Variants in DMXL1 observed in about 807,000 individuals in gnomAD.
DMXL1 encodes the protein Dmx like 1, also known as dmX-like protein 1.
A neutral mutation model predicts 319.2 loss-of-function variants in DMXL1; 99 were observed. That is an observed-to-expected ratio of 0.31 (90% CI 0.26 to 0.37). The LOEUF is 0.37. Ranked by LOEUF, DMXL1 falls within the 10% of genes least tolerant of loss-of-function variation. The pLI is 1.00. For missense variants in DMXL1, 3,745 were observed against 3,595.6 expected, an observed-to-expected ratio of 1.04 and a Z score of -1.06; for synonymous variants, 1,385 against 1,235.2, an observed-to-expected ratio of 1.12 and a Z score of -2.54.
intron 1 of DMXL1, among the ~76,000 whole-genome samples, chr5:119,089,298 T>TATGCA (rs1561549878): frequency 7.6e-5 from 4 of 52,574 alleles, no homozygotes; most frequent in East Asian, 2.3e-3. Flanking sequence ...ATATATTTTT[T>TATGCA]TTTTTTTTTT....
At chr5:119,234,055 C>T (rs1022737825) in intron 39 of DMXL1, among the ~76,000 whole-genome samples, 1 of 152,126 alleles carries the variant, frequency 6.6e-6, no homozygotes, top group East Asian at 1.9e-4. Context: ...AGGACAAAGA[C>T]CTTATAGCTG....
chr5:119,108,095 GC>G (rs1224826812), intron 4 of DMXL1, among the ~76,000 whole-genome samples: 2 of 152,144 alleles, frequency 1.3e-5, no homozygotes, highest in Non-Finnish European at 2.9e-5. Context: ...AAGCATGCTG[GC>G]CCATACCTGT....
intron 1 of DMXL1, among the ~76,000 whole-genome samples, chr5:119,084,563 A>T (rs764723789): frequency 1.4e-4 from 21 of 152,112 alleles, no homozygotes; most frequent in Non-Finnish European, 2.5e-4. Flanking sequence ...TCTTCACAGA[A>T]ATGGAAAAAA....
At chr5:119,152,441 T>C (rs1770021092) in intron 19 of DMXL1, among the ~76,000 whole-genome samples, 1 of 152,156 alleles carries the variant, frequency 6.6e-6, no homozygotes, top group East Asian at 1.9e-4. Context: ...ATTTTAAATA[T>C]TTCACAGAGT....
chr5:119,177,230 T>C, intron 26 of DMXL1, 127 bp from the exon 27 acceptor site: 1 of 549,254 alleles, frequency 1.8e-6, no homozygotes, highest in Non-Finnish European at 3.1e-6. Context: ...AGACTGTACA[T>C]TATATTACTT....
At chr5:119,164,763 C>A (rs1219132894) in intron 20 of DMXL1, 87 bp downstream of exon 20, 2 of 1,223,826 alleles carry the variant, frequency 1.6e-6, no homozygotes, top group Non-Finnish European at 2.3e-6. Flanking sequence ...TGCCATTACT[C>A]CCTCTTGTTT....
chr5:119,089,111 A>G (rs1018359693), intron 1 of DMXL1, among the ~76,000 whole-genome samples: 34 of 150,942 alleles, frequency 2.3e-4, no homozygotes, highest in Middle Eastern at 3.4e-3. Flanking sequence ...TCTCTCCTTC[A>G]TATTAGAAGG....
intron 15 of DMXL1, among the ~76,000 whole-genome samples, chr5:119,146,047 A>G (rs1267679597): frequency 1.3e-5 from 2 of 151,954 alleles, no homozygotes; most frequent in East Asian, 3.9e-4. Context: ...TTAGTCTCTC[A>G]ATACAAGATG....
In DMXL1 at chr5:119,149,225, C is replaced by T. The variant is rs145395955; in HGVS notation, c.3398C>T (p.Thr1133Ile). The T allele has an allele frequency of 6.2e-7, 1 of 1,613,892 alleles. No individual in the cohort carries two copies. The highest frequency in any genetic ancestry group is 1.1e-5 in the South Asian group (1 of 91,076). ...TATTTATCTAGTAAAGAGAATATCACATCAAACACAAAGCATTTAGTTCAC... is the reference window on the plus strand; with the variant it reads ...TATTTATCTAGTAAAGAGAATATCATATCAAACACAAAGCATTTAGTTCAC... ...DMYLSSKENI[T>I]SNTKHLVHLD... The change falls in exon 18 of 44, where the codon ACA becomes ATA. Residue 1133 changes from threonine (T) to isoleucine (I), a missense_variant. Physicochemically the swap from Thr to Ile is moderately conservative, Grantham distance 89. This residue lies in a region of DMXL1 where 2,096 missense variants were observed against 1,985.4 expected (regional missense o/e 1.06). Transcript: ENST00000539542.
intron 4 of DMXL1, among the ~76,000 whole-genome samples, chr5:119,107,868 G>A (rs1206190852): frequency 1.3e-5 from 2 of 152,038 alleles, no homozygotes; most frequent in Admixed American, 6.6e-5. Context: ...CCTGGCCTGT[G>A]CTAGAGACTT....
chr5:119,087,716 G>C (rs1349842862), intron 1 of DMXL1, among the ~76,000 whole-genome samples: 3 of 152,078 alleles, frequency 2.0e-5, no homozygotes, highest in Non-Finnish European at 2.9e-5. Flanking sequence ...TCTTCTGTTA[G>C]ATCTGTCTAT....
intron 5 of DMXL1, among the ~76,000 whole-genome samples, chr5:119,112,444 A>C (rs1349584448): frequency 1.3e-5 from 2 of 152,232 alleles, no homozygotes; most frequent in African/African-American, 4.8e-5. Context: ...ATAGAAAATA[A>C]ACCAGTAAAC....
chr5:119,220,178 T>A (rs1380403366), intron 35 of DMXL1, among the ~76,000 whole-genome samples: 1 of 152,198 alleles, frequency 6.6e-6, no homozygotes, highest in Middle Eastern at 3.2e-3. Flanking sequence ...GAATTGTGCA[T>A]ACCTTAGAGC....
intron 34 of DMXL1, among the ~76,000 whole-genome samples, chr5:119,216,026 G>A (rs1046725617): frequency 1.5e-5 from 2 of 136,576 alleles, no homozygotes; most frequent in Non-Finnish European, 3.0e-5. Flanking sequence ...AACCTGGGAG[G>A]CAGAGGTTGC....
rs543367639 is a variant in DMXL1 at position 119,130,748 on chromosome 5, T to C, written c.1315+1325T>C. Among the ~76,000 whole-genome samples, 4 of 152,382 alleles carry C rather than the reference T, an allele frequency of 2.6e-5. No individual in the cohort carries two copies. In the East Asian group the frequency reaches 5.8e-4, roughly 22 times the overall value. On this transcript the variant is annotated intron_variant, in intron 10 of 43. Transcript: ENST00000539542. ...AGAGAAATGTCTAACAGGTCTTCTATTGATAAACATTTAAATTAATTTAAA... is the reference window on the plus strand; with the variant it reads ...AGAGAAATGTCTAACAGGTCTTCTACTGATAAACATTTAAATTAATTTAAA...
intron 1 of DMXL1, among the ~76,000 whole-genome samples, chr5:119,091,175 G>C (rs1269487885): frequency 1.3e-5 from 2 of 151,794 alleles, no homozygotes; most frequent in African/African-American, 4.8e-5. Flanking sequence ...TGCTTTGTTT[G>C]GTGAGATCAT....
intron 38 of DMXL1, among the ~76,000 whole-genome samples, chr5:119,227,628 T>C (rs1785839545): frequency 6.6e-6 from 1 of 152,210 alleles, no homozygotes. Context: ...TGGTTTTTTT[T>C]CAAGGTATCT....
At chr5:119,204,841 A>G (rs1781476924) in intron 33 of DMXL1, among the ~76,000 whole-genome samples, 1 of 152,228 alleles carries the variant, frequency 6.6e-6, no homozygotes, top group Admixed American at 6.5e-5. Flanking sequence ...AAGATATTTC[A>G]GTTGAAGAAA....
chr5:119,114,609 A>T (rs112308479), intron 6 of DMXL1, 68 bp downstream of exon 6: 5 of 984,640 alleles, frequency 5.1e-6, no homozygotes, highest in African/African-American at 3.3e-5. Flanking sequence ...AAAAACATCA[A>T]CTGGCTTCAT....
Sources: allele counts gnomAD v4.1 joint callset (sites outside exome capture counted in the v4.1 genomes callset), GRCh38; gene constraint gnomAD v4.1.1; regional missense constraint gnomAD v4.1.1; transcripts MANE v1.5; gene names NCBI Gene and HGNC (gene_info 2026-07-23, HGNC 2026-07-21).